The following PRUNE2 variants were observed in gnomAD, a reference collection of about 807,000 sequenced individuals.
PRUNE2 encodes protein prune homolog 2.
Under a neutral mutation model 252.0 loss-of-function variants are expected in PRUNE2, and 164 were observed. That is an observed-to-expected ratio of 0.65 (90% CI 0.57 to 0.74). The LOEUF is 0.74. Ranked by LOEUF, PRUNE2 falls within the 30% of genes least tolerant of loss-of-function variation. PRUNE2 has a pLI of 0.00. For synonymous variants in PRUNE2, 1,292 were observed against 1,350.2 expected (o/e 0.96, Z 0.94); for missense variants, 3,495 against 3,711.0 (o/e 0.94, Z 1.51).
At chr9:76,737,561 G>A (rs931674915) in intron 6 of PRUNE2, 1 of 152,222 alleles carries the variant, frequency 6.6e-6, no homozygotes, top group Non-Finnish European at 1.5e-5. Context: ...CAGGCAAACA[G>A]AGTAATGCAA....
rs775820599 is a variant in PRUNE2, at chr9:76,710,325, T to C, written c.1949A>G (p.His650Arg). The change falls in exon 8 of 19, where the codon CAT (histidine) becomes CGT (arginine). Residue 650 changes from histidine (H) to arginine (R), a missense_variant. By Grantham distance (29) the His-to-Arg change is conservative. Coordinates refer to ENST00000376718, the MANE Select transcript of PRUNE2 (RefSeq NM_015225.3). ...ACCCCACCAGCTGCTGCACCGTGCA[T>C]GGGTCTGAGGTGGCCCCATGTGACC... is the stretch of plus-strand genomic sequence containing the variant. ...DTGHMGPPQT[H>R]ARCSSWWGGL... The C allele has an allele frequency of 7.6e-5, 123 of 1,613,908 alleles. No homozygotes were observed. The highest frequency in any genetic ancestry group is 9.7e-5 in the Non-Finnish European group (114 of 1,179,904).
chr9:76,837,314 C>T (rs146837597), intron 4 of PRUNE2, among the ~76,000 whole-genome samples: 4 of 152,088 alleles, frequency 2.6e-5, no homozygotes, highest in Middle Eastern at 3.4e-3. Context: ...TGGTGGCGGG[C>T]ACCTGCAGTC....
intron 6 of PRUNE2, among the ~76,000 whole-genome samples, chr9:76,778,146 T>G (rs867627845): frequency 5.9e-5 from 9 of 152,208 alleles, no homozygotes; most frequent in African/African-American, 2.2e-4. Context: ...TCAGAATCTC[T>G]GGAGGTAGAC....
intron 6 of PRUNE2, among the ~76,000 whole-genome samples, chr9:76,718,060 G>C (rs1305338830): frequency 6.6e-6 from 1 of 152,166 alleles, no homozygotes; most frequent in East Asian, 1.9e-4. Context: ...GAGGAAAACA[G>C]AAATAATACA....
rs755480259 is a variant in PRUNE2, at chr9:76,704,100, C to T, written c.7514-1G>A. Reference sequence around the variant, plus strand: ...AATTCTGATATTTCCTTGCTGGCACCTAGAAGTGGAAGTTGAAAGTGAGAA... The same window carrying T: ...AATTCTGATATTTCCTTGCTGGCACTTAGAAGTGGAAGTTGAAAGTGAGAA... On this transcript the variant is annotated splice_acceptor_variant, in intron 8 of 18. Coordinates refer to ENST00000376718, the MANE Select transcript of PRUNE2 (RefSeq NM_015225.3). LOFTEE classifies it high-confidence loss of function. 7 of 1,572,322 alleles carry T rather than the reference C, an allele frequency of 4.5e-6. No homozygotes were observed. The highest frequency in any genetic ancestry group is 3.8e-5 in the Admixed American group (2 of 52,898).
chr9:76,692,112 G>C (rs1399049073), intron 9 of PRUNE2: 1 of 717,460 alleles, frequency 1.4e-6, no homozygotes. Flanking sequence ...CGGAGGGTGA[G>C]AAGGATGCAC....
chr9:76,718,412 T>G (rs1412792138), intron 6 of PRUNE2, among the ~76,000 whole-genome samples: 1 of 149,928 alleles, frequency 6.7e-6, no homozygotes, highest in Non-Finnish European at 1.5e-5. Flanking sequence ...TCACTGAAAC[T>G]CTCTTCTCAA....
At chr9:76,828,629 T>C (rs2058482051) in intron 4 of PRUNE2, among the ~76,000 whole-genome samples, 1 of 152,220 alleles carries the variant, frequency 6.6e-6, no homozygotes, top group Non-Finnish European at 1.5e-5. Context: ...ACAGATTCCA[T>C]TTCAACAGTC....
chr9:76,841,258 T>C (rs117287758), intron 4 of PRUNE2, among the ~76,000 whole-genome samples: 8,629 of 152,194 alleles, frequency 0.057, 324 homozygotes, highest in South Asian at 0.093. Context: ...TGAGGGACCA[T>C]GCCATGAGGA....
intron 6 of PRUNE2, among the ~76,000 whole-genome samples, chr9:76,804,449 T>C (rs2056791218): frequency 6.6e-6 from 1 of 152,214 alleles, no homozygotes; most frequent in African/African-American, 2.4e-5. Context: ...TTCATCTACT[T>C]CTTTCAAAAT....
Position 76,629,126 on chromosome 9 carries a change from A to T in PRUNE2, c.9149+66T>A. 4 of 967,558 alleles carry T rather than the reference A, an allele frequency of 4.1e-6. No individual in the cohort carries two copies. The South Asian group carries it at 6.0e-5, about 15-fold the overall frequency. The allele number at this position is 967,558 out of a possible 1,614,324, so 59.9% of individuals were successfully genotyped here. A position where few individuals can be genotyped will look rare whatever the true frequency, so the allele number is the denominator to read the frequency against. On this transcript the variant is annotated intron_variant, in intron 16 of 18. Transcript: ENST00000376718. ...CCAAAGTGCTAGGATTACAGGCGTG[A>T]GCCACCACACCCAGCCTCAAACTAG...
intron 12 of PRUNE2, among the ~76,000 whole-genome samples, chr9:76,639,218 G>A (rs142420925): frequency 1.4e-4 from 22 of 152,272 alleles, no homozygotes; most frequent in African/African-American, 4.1e-4. Context: ...CAGGCCGGGC[G>A]CCATGACTCA....
In PRUNE2 at chr9:76,879,999, C is replaced by T. The variant is rs759522931; in HGVS notation, c.37-25791G>A. On this transcript the variant is annotated intron_variant, in intron 1 of 18. Transcript: ENST00000376718. ...TGCAATCTCGACTCACTGCAAGCTC[C>T]GCCTCTGGTGTTCATGCCATTCTCC... 6.6e-4 allele frequency among the ~76,000 whole-genome samples: 96 copies of T among 144,440 alleles called. 1 individual carries two copies. Among genetic ancestry groups the T allele is most frequent in the African/African-American group, 1.9e-3 (75 of 38,694 alleles). 94.8% of individuals were successfully genotyped at this position (144,440 alleles called of 152,430 possible).
At chr9:76,631,525 G>C (rs1270733855) in intron 15 of PRUNE2, among the ~76,000 whole-genome samples, 1 of 152,134 alleles carries the variant, frequency 6.6e-6, no homozygotes, top group East Asian at 1.9e-4. Context: ...CTCACCTTGA[G>C]TCATCACCTC....
intron 6 of PRUNE2, among the ~76,000 whole-genome samples, chr9:76,721,396 A>G (rs1341706284): frequency 6.6e-6 from 1 of 152,226 alleles, no homozygotes; most frequent in Non-Finnish European, 1.5e-5. Context: ...TATACCTATT[A>G]TAGTGTTGTC....
chr9:76,696,471 G>C (rs1300629768), intron 9 of PRUNE2, among the ~76,000 whole-genome samples: 1 of 152,102 alleles, frequency 6.6e-6, no homozygotes, highest in East Asian at 1.9e-4. Flanking sequence ...TGTTATCCAG[G>C]CTGGAGTGCA....
At chr9:76,684,707 C>A (rs2043878497) in intron 9 of PRUNE2, among the ~76,000 whole-genome samples, 1 of 152,154 alleles carries the variant, frequency 6.6e-6, no homozygotes, top group Admixed American at 6.5e-5. Context: ...AACAGGGAGG[C>A]AATCTACCCT....
chr9:76,881,212 C>T (rs537894220), intron 1 of PRUNE2, among the ~76,000 whole-genome samples: 5 of 152,260 alleles, frequency 3.3e-5, no homozygotes, highest in South Asian at 2.1e-4. Flanking sequence ...GTGATCCACC[C>T]GCCTTGGCCT....
intron 6 of PRUNE2, among the ~76,000 whole-genome samples, chr9:76,820,031 AG>A (rs2057942778): frequency 6.6e-6 from 1 of 152,220 alleles, no homozygotes; most frequent in Admixed American, 6.5e-5. Flanking sequence ...TAATCAACAA[AG>A]GGGATTCCAA....
Sources: gnomAD v4.1 joint callset for allele counts (sites outside exome capture counted in the v4.1 genomes callset) on GRCh38, gnomAD v4.1.1 for gene constraint, MANE v1.5 for transcripts, NCBI Gene and HGNC (gene_info 2026-07-23, HGNC 2026-07-21) for gene names.